Variants in CDYL observed in about 807,000 individuals in gnomAD.
CDYL encodes the protein chromodomain Y like.
A neutral mutation model predicts 47.3 loss-of-function variants in CDYL; 8 were observed. The ratio of observed to expected loss-of-function variants is 0.17; its 90% confidence interval spans 0.10 to 0.31. The LOEUF is 0.31. Among genes scored for constraint, CDYL ranks in the 10% least tolerant of loss-of-function variants. The pLI is 1.00. For missense variants in CDYL, 471 were observed against 701.4 expected (o/e 0.67, Z 3.71); for synonymous variants, 266 against 265.0 (o/e 1.00, Z -0.04).
Position 4,954,091 on chromosome 6 carries a change from G to T in CDYL, c.*35G>T, listed in dbSNP as rs550926778. The T allele has an allele frequency of 2.7e-5, 43 of 1,598,500 alleles. No homozygotes were observed. In the East Asian group the frequency reaches 5.4e-4, roughly 20 times the overall value. On this transcript the variant is annotated 3_prime_UTR_variant, in exon 7 of 7. Coordinates refer to ENST00000397588, the MANE Select transcript of CDYL (RefSeq NM_004824.4). ...TGCCCACTGGTGACACCGGGATCGG[G>T]CTGAGCAGGAGAACATCACCGGCTC... is the stretch of plus-strand genomic sequence containing the variant.
At chr6:4,729,887 C>A (rs1757575426) in intron 2 of CDYL, among the ~76,000 whole-genome samples, 1 of 152,022 alleles carries the variant, frequency 6.6e-6, no homozygotes, top group Admixed American at 6.6e-5. Flanking sequence ...TACTACACTC[C>A]AGCCTGGGCC....
intron 2 of CDYL, among the ~76,000 whole-genome samples, chr6:4,928,504 CCTTTGA>C (rs1757944791): frequency 1.3e-5 from 2 of 152,226 alleles, no homozygotes; most frequent in African/African-American, 4.8e-5. Context: ...CTTAAAATGC[CCTTTGA>C]CATAAACCGT....
intron 1 of CDYL, among the ~76,000 whole-genome samples, chr6:4,807,419 G>A (rs142343281): frequency 6.6e-6 from 1 of 152,042 alleles, no homozygotes; most frequent in African/African-American, 2.4e-5. Context: ...TGAAAATAGG[G>A]CATTTCTCCT....
intron 1 of CDYL, among the ~76,000 whole-genome samples, chr6:4,799,106 T>C (rs1759153465): frequency 1.3e-5 from 2 of 152,238 alleles, no homozygotes; most frequent in Non-Finnish European, 2.9e-5. Flanking sequence ...TATCAAAATT[T>C]GATATGCTTT....
intron 2 of CDYL, among the ~76,000 whole-genome samples, chr6:4,928,005 T>A (rs1757928154): frequency 6.6e-6 from 1 of 152,222 alleles, no homozygotes; most frequent in South Asian, 2.1e-4. Flanking sequence ...TGATTCTAGC[T>A]CATCATTTTC....
At chr6:4,808,157 C>T (rs115463962) in intron 1 of CDYL, among the ~76,000 whole-genome samples, 176 of 152,290 alleles carry the variant, frequency 1.2e-3, no homozygotes, top group African/African-American at 3.9e-3. Flanking sequence ...ATTTTATTGG[C>T]AAACGGCATT....
intron 2 of CDYL, among the ~76,000 whole-genome samples, chr6:4,911,529 A>G (rs949055671): frequency 6.6e-6 from 1 of 152,172 alleles, no homozygotes; most frequent in African/African-American, 2.4e-5. Flanking sequence ...TACAGTATTC[A>G]TGGTACTGTT....
intron 1 of CDYL, among the ~76,000 whole-genome samples, chr6:4,871,295 A>G (rs572104777): frequency 1.3e-5 from 2 of 152,184 alleles, no homozygotes; most frequent in Non-Finnish European, 2.9e-5. Flanking sequence ...TTGAGCCCAT[A>G]AGGCTTCCAC....
intron 1 of CDYL, among the ~76,000 whole-genome samples, chr6:4,860,442 G>C (rs1017146060): frequency 4.6e-5 from 7 of 150,610 alleles, no homozygotes; most frequent in South Asian, 4.2e-4. Flanking sequence ...CTCCAGTTGG[G>C]GAGCTTGTTA....
intron 1 of CDYL, among the ~76,000 whole-genome samples, chr6:4,715,389 A>G (rs1308356827): frequency 6.6e-6 from 1 of 152,238 alleles, no homozygotes; most frequent in Admixed American, 6.5e-5. Context: ...ATGACTGCAA[A>G]TGATAGCCTT....
rs1176819548 is a variant in CDYL, at chr6:4,821,260, C to CTTTTTTTTTTTTTTTTT, written c.24+44466_24+44482dup. Among the ~76,000 whole-genome samples, 2 of 60,380 alleles carry CTTTTTTTTTTTTTTTTT rather than the reference C, an allele frequency of 3.3e-5. 1 individual carries two copies. Among genetic ancestry groups the CTTTTTTTTTTTTTTTTT allele is most frequent in the African/African-American group, 1.4e-4 (2 of 13,900 alleles). 39.6% of individuals were successfully genotyped at this position (60,380 alleles called of 152,430 possible). A position where few individuals can be genotyped will look rare whatever the true frequency, so the allele number is the denominator to read the frequency against. On this transcript the variant is annotated intron_variant, in intron 1 of 6. Transcript: ENST00000397588. ...TGATTATCATGGTCATATGGGAATT[C>CTTTTTTTTTTTTTTTTT]TTTTTTTTTTTTTTTTTTTTTTTTT...
chr6:4,859,907 C>CTT (rs1157813995), intron 1 of CDYL, among the ~76,000 whole-genome samples: 5 of 142,660 alleles, frequency 3.5e-5, no homozygotes, highest in African/African-American at 1.3e-4. Flanking sequence ...CTTTTTTTTT[C>CTT]TTTTTTTTTT....
At chr6:4,941,261 G>A (rs1758352642) in intron 4 of CDYL, among the ~76,000 whole-genome samples, 1 of 152,218 alleles carries the variant, frequency 6.6e-6, no homozygotes, top group Non-Finnish European at 1.5e-5. Context: ...GGCTACTTGG[G>A]AGAGGACCGT....
Position 4,892,299 on chromosome 6 carries a change from C to T in CDYL, c.611C>T (p.Pro204Leu). 1.9e-6 allele frequency: 3 copies of T among 1,614,124 alleles called. No homozygotes were observed. The highest frequency in any genetic ancestry group is 2.5e-6 in the Non-Finnish European group (3 of 1,180,042). The change falls in exon 2 of 7, where the codon CCC becomes CTC. Residue 204 changes from proline (P) to leucine (L), a missense_variant. Physicochemically the swap from Pro to Leu is moderately conservative, Grantham distance 98. This residue lies in a region of CDYL where 311 missense variants were observed against 350.0 expected (regional missense o/e 0.89). Transcript: ENST00000397588. Reference protein sequence around the residue: ...GAERARMGSRPRIHPLVPQVP... With the variant: ...GAERARMGSRLRIHPLVPQVP... Reference sequence around the variant, plus strand: ...GAGAGGGCCAGGATGGGGAGCAGGCCCAGGATACACCCACTAGTGCCTCAG... The same window carrying T: ...GAGAGGGCCAGGATGGGGAGCAGGCTCAGGATACACCCACTAGTGCCTCAG...
At chr6:4,721,375 G>A (rs1757366481) in intron 2 of CDYL, among the ~76,000 whole-genome samples, 1 of 151,818 alleles carries the variant, frequency 6.6e-6, no homozygotes, top group Admixed American at 6.6e-5. Flanking sequence ...GGAGGGGAGG[G>A]GTGTTGTTTT....
intron 3 of CDYL, among the ~76,000 whole-genome samples, chr6:4,748,615 T>C (rs931742532): frequency 6.8e-6 from 1 of 148,130 alleles, no homozygotes; most frequent in African/African-American, 2.5e-5. Context: ...GGGACCAGGA[T>C]AGGAAGACAT....
chr6:4,942,975 A>G (rs541492614), intron 4 of CDYL, among the ~76,000 whole-genome samples: 1 of 152,334 alleles, frequency 6.6e-6, no homozygotes, highest in Non-Finnish European at 1.5e-5. Flanking sequence ...CAGACTGTTC[A>G]GTCCACTTCC....
At chr6:4,841,634 T>C (rs969710744) in intron 1 of CDYL, among the ~76,000 whole-genome samples, 4 of 152,158 alleles carry the variant, frequency 2.6e-5, no homozygotes, top group African/African-American at 9.7e-5. Flanking sequence ...ATTTCCGTCT[T>C]GATTTCATTG....
chr6:4,949,875 TAAC>T (rs1758644173), intron 5 of CDYL, among the ~76,000 whole-genome samples: 1 of 152,246 alleles, frequency 6.6e-6, no homozygotes, highest in Non-Finnish European at 1.5e-5. Flanking sequence ...GAAAAAGCTT[TAAC>T]AACCTAGCGT....
Sources: allele counts gnomAD v4.1 joint callset (sites outside exome capture counted in the v4.1 genomes callset), GRCh38; gene constraint gnomAD v4.1.1; regional missense constraint gnomAD v4.1.1; transcripts MANE v1.5; gene names NCBI Gene and HGNC (gene_info 2026-07-23, HGNC 2026-07-21).